BCKDHB: variants seen among roughly 807,000 people sequenced by gnomAD.
BCKDHB encodes branched chain keto acid dehydrogenase E1 subunit beta.
BCKDHB carries 41 observed loss-of-function variants against 48.5 expected under a neutral mutation model. That is an observed-to-expected ratio of 0.85 (90% confidence interval 0.66 to 1.10). The LOEUF is 1.10. Ranked by LOEUF, BCKDHB falls within the 50% of genes least tolerant of loss-of-function variation. BCKDHB has a pLI of 0.00. For synonymous variants in BCKDHB, 201 were observed against 174.8 expected, an observed-to-expected ratio of 1.15 and a Z score of -1.18; for missense variants, 496 against 494.2, an observed-to-expected ratio of 1.00 and a Z score of -0.03.
At position 80,207,821 on chromosome 6, in the gene BCKDHB, A is replaced by G. The variant is rs77030293; in HGVS notation, c.951+4609A>G. 9.4e-3 allele frequency among the ~76,000 whole-genome samples: 1,422 copies of G among 151,960 alleles called. 31 individuals carry two copies. The highest frequency in any genetic ancestry group is 0.033 in the African/African-American group (1,354 of 41,532). On this transcript the variant is annotated intron_variant, in intron 8 of 9. Coordinates refer to ENST00000320393, the MANE Select transcript of BCKDHB (RefSeq NM_183050.4). Reference sequence around the variant, plus strand: ...TATATCATAATCCTAAGTCTATTTCATCCTTAATAACATAGTTTGAAAATA... The same window carrying G: ...TATATCATAATCCTAAGTCTATTTCGTCCTTAATAACATAGTTTGAAAATA...
chr6:80,318,770 C>T (rs1030892506), intron 9 of BCKDHB, among the ~76,000 whole-genome samples: 2 of 149,616 alleles, frequency 1.3e-5, no homozygotes, highest in South Asian at 4.2e-4. Flanking sequence ...GTCATTGTTT[C>T]CTAGGCAACA....
intron 1 of BCKDHB, among the ~76,000 whole-genome samples, chr6:80,116,630 C>T (rs1769718886): frequency 6.6e-6 from 1 of 152,182 alleles, no homozygotes. Flanking sequence ...TTAAACAACT[C>T]AATGCCAGCC....
chr6:80,370,390 C>T, the BCKDHB span, among the ~76,000 whole-genome samples: 7 of 152,086 alleles, frequency 4.6e-5, no homozygotes, highest in South Asian at 8.3e-4. Flanking sequence ...TGCTGTTTTT[C>T]GCTTATTTTA....
chr6:80,107,067 T>C (rs887291033), intron 1 of BCKDHB, among the ~76,000 whole-genome samples, 178 bp downstream of exon 1: 17 of 151,992 alleles, frequency 1.1e-4, no homozygotes, highest in South Asian at 2.1e-4. Flanking sequence ...TGCTCTATTT[T>C]TGTGACTGTT....
At chr6:80,307,659 A>T (rs6906403) in intron 9 of BCKDHB, 875,053 of 975,120 alleles carry the variant, frequency 0.9, 392,786 homozygotes, top group East Asian at 0.99. Flanking sequence ...TGTAAAAAAA[A>T]TTATTTGTAT....
chr6:80,151,298 A>T (rs1034833894), intron 3 of BCKDHB, among the ~76,000 whole-genome samples: 1 of 152,220 alleles, frequency 6.6e-6, no homozygotes, highest in African/African-American at 2.4e-5. Context: ...TTTGTTTGTT[A>T]TAATTGATTT....
At chr6:80,230,069 C>T (rs1272725745) in intron 8 of BCKDHB, among the ~76,000 whole-genome samples, 2 of 108,548 alleles carry the variant, frequency 1.8e-5, no homozygotes, top group Non-Finnish European at 3.4e-5. Context: ...GACGGAGTCT[C>T]ACTCTTTCGC....
At chr6:80,300,728 T>C (rs1160663402) in intron 9 of BCKDHB, among the ~76,000 whole-genome samples, 1 of 152,178 alleles carries the variant, frequency 6.6e-6, no homozygotes, top group African/African-American at 2.4e-5. Flanking sequence ...ATGTGGGACA[T>C]AGATTCTAAG....
At chr6:80,174,733 A>G (rs968994070) in intron 6 of BCKDHB, among the ~76,000 whole-genome samples, 1 of 152,120 alleles carries the variant, frequency 6.6e-6, no homozygotes, top group Non-Finnish European at 1.5e-5. Context: ...TTCTGCTTTG[A>G]TGATTCTATA....
the BCKDHB span, chr6:80,462,958 A>G: frequency 6.6e-6 from 1 of 152,238 alleles, no homozygotes; most frequent in Non-Finnish European, 1.5e-5. Flanking sequence ...CTGCCATCGC[A>G]TGAAAAATGG....
chr6:80,245,303 C>A (rs572806698), intron 8 of BCKDHB, among the ~76,000 whole-genome samples: 1 of 151,586 alleles, frequency 6.6e-6, no homozygotes, highest in South Asian at 2.1e-4. Flanking sequence ...CTATGGGAAC[C>A]CAGGAATTGA....
intron 9 of BCKDHB, among the ~76,000 whole-genome samples, chr6:80,336,136 AAATT>A (rs1384618492): frequency 6.6e-6 from 1 of 151,948 alleles, no homozygotes; most frequent in African/African-American, 2.4e-5. Context: ...TATAATCTCT[AAATT>A]AATACATAAA....
intron 8 of BCKDHB, among the ~76,000 whole-genome samples, chr6:80,244,820 C>T (rs1776541259): frequency 6.6e-6 from 1 of 152,108 alleles, no homozygotes; most frequent in South Asian, 2.1e-4. Flanking sequence ...ATTATTTGAA[C>T]AAAAGATAAC....
intron 9 of BCKDHB, among the ~76,000 whole-genome samples, chr6:80,341,209 A>T (rs1281371585): frequency 6.6e-6 from 1 of 152,208 alleles, no homozygotes; most frequent in Non-Finnish European, 1.5e-5. Context: ...TTAATGCTAC[A>T]TAATTTACAG....
chr6:80,391,672 T>A, the BCKDHB span, among the ~76,000 whole-genome samples: 1 of 152,210 alleles, frequency 6.6e-6, no homozygotes, highest in Non-Finnish European at 1.5e-5. Context: ...TATGGTAATT[T>A]GTTACAGCAT....
chr6:80,264,363 T>C (rs780509569), intron 8 of BCKDHB, among the ~76,000 whole-genome samples: 10 of 152,186 alleles, frequency 6.6e-5, no homozygotes, highest in Non-Finnish European at 1.2e-4. Context: ...ATGATGAAAG[T>C]GATTTCCTGG....
chr6:80,171,526 T>A, intron 6 of BCKDHB, 136 bp downstream of exon 6: 1 of 608,066 alleles, frequency 1.6e-6, no homozygotes, highest in Non-Finnish European at 2.8e-6. Context: ...TTTTTTGGTA[T>A]TTAGTTTGTC....
At chr6:80,203,279 C>A in intron 8 of BCKDHB, 67 bp downstream of exon 8, 1 of 1,120,100 alleles carries the variant, frequency 8.9e-7, no homozygotes, top group Non-Finnish European at 1.4e-6. Flanking sequence ...TGTATATTTG[C>A]AAATAATTCT....
At chr6:80,165,101 C>T (rs778674211) in intron 3 of BCKDHB, among the ~76,000 whole-genome samples, 5 of 151,950 alleles carry the variant, frequency 3.3e-5, no homozygotes, top group East Asian at 3.9e-4. Flanking sequence ...TATTTCTTAC[C>T]GAGATGAAAA....
Sources: allele counts gnomAD v4.1 joint callset (sites outside exome capture counted in the v4.1 genomes callset), GRCh38; gene constraint gnomAD v4.1.1; transcripts MANE v1.5; gene names NCBI Gene and HGNC (gene_info 2026-07-23, HGNC 2026-07-21).